Variants in ATP9B observed in about 807,000 individuals in gnomAD.
The protein encoded by ATP9B is probable phospholipid-transporting ATPase IIB.
In ATP9B, 110 loss-of-function variants were observed where a neutral mutation model predicts 146.1. The ratio of observed to expected loss-of-function variants is 0.75; its 90% confidence interval spans 0.65 to 0.88. The LOEUF (loss-of-function observed/expected upper bound fraction) is 0.88. Among genes scored for constraint, ATP9B ranks in the 40% least tolerant of loss-of-function variants. The probability of loss-of-function intolerance (pLI) is 0.00; values close to 1 mark genes in which losing one functional copy is unlikely to be tolerated. For synonymous variants in ATP9B, 604 were observed against 569.7 expected (o/e 1.06, Z -0.86); for missense variants, 1,499 against 1,496.4 (o/e 1.00, Z -0.03).
chr18:79,118,070 G>A (rs1332343069), intron 4 of ATP9B: 1 of 152,024 alleles, frequency 6.6e-6, no homozygotes, highest in Non-Finnish European at 1.5e-5. Flanking sequence ...GTGTTTCATT[G>A]TATAAATATA....
chr18:79,308,394 T>A (rs2096630906), intron 15 of ATP9B, among the ~76,000 whole-genome samples: 1 of 152,188 alleles, frequency 6.6e-6, no homozygotes, highest in Non-Finnish European at 1.5e-5. Context: ...GCAGTCCAAA[T>A]GTCTATCAGC....
At position 79,134,210 on chromosome 18, in the gene ATP9B, T is replaced by C. The variant is rs143728962; in HGVS notation, c.667+7835T>C. ...TCTTAGAGACTGGCTTTTAAAGTAA[T>C]AGCCACTCTGTCTGGTGGTTCTTGT... On this transcript the variant is annotated intron_variant, in intron 5 of 29. Coordinates refer to ENST00000426216, the MANE Select transcript of ATP9B (RefSeq NM_198531.5). Among the ~76,000 whole-genome samples the C allele has an allele frequency of 5.9e-5, 9 of 152,314 alleles. No individual in the cohort carries two copies. In the East Asian group the frequency reaches 9.7e-4, roughly 16 times the overall value.
At chr18:79,262,946 C>T (rs1370088176) in intron 12 of ATP9B, among the ~76,000 whole-genome samples, 1 of 152,136 alleles carries the variant, frequency 6.6e-6, no homozygotes, top group Admixed American at 6.5e-5. Flanking sequence ...GAAATAATCA[C>T]TGTCTTGGCT....
intron 11 of ATP9B, among the ~76,000 whole-genome samples, chr18:79,235,313 A>G (rs916534720): frequency 2.0e-5 from 3 of 152,236 alleles, no homozygotes; most frequent in Admixed American, 6.5e-5. Flanking sequence ...CACATATCAT[A>G]TTACTAACAC....
rs2097096903 is a variant in ATP9B at position 79,375,372 on chromosome 18, C to CT, written c.3275-19dup. 3 of 1,597,292 alleles carry CT rather than the reference C, an allele frequency of 1.9e-6. No homozygotes were observed. In the East Asian group the frequency reaches 6.7e-5, roughly 36 times the overall value. On this transcript the variant is annotated intron_variant, in intron 28 of 29. Coordinates refer to ENST00000426216, the MANE Select transcript of ATP9B (RefSeq NM_198531.5). The stretch of plus-strand genomic sequence containing the variant: ...TCTCCTTTAATCTGTCCTTTATTTT[C>CT]TTTATTACTGTTTTGGAACAGGTAT...
intron 11 of ATP9B, among the ~76,000 whole-genome samples, chr18:79,238,239 CTTT>C (rs57427830): frequency 2.8e-5 from 4 of 140,594 alleles, no homozygotes; most frequent in East Asian, 2.1e-4. Flanking sequence ...ATAAGTGATC[CTTT>C]TTTTTTTTTT....
chr18:79,165,376 C>G (rs778486651), intron 7 of ATP9B, among the ~76,000 whole-genome samples: 10 of 152,162 alleles, frequency 6.6e-5, no homozygotes, highest in Non-Finnish European at 1.5e-4. Context: ...GTCTTCTGCA[C>G]TGTTGGGTGT....
At chr18:79,322,982 C>T (rs1433113171) in intron 15 of ATP9B, among the ~76,000 whole-genome samples, 2 of 152,106 alleles carry the variant, frequency 1.3e-5, no homozygotes, top group Admixed American at 6.5e-5. Context: ...ATTCTGGGTA[C>T]GTAATAGTAC....
chr18:79,172,662 T>C (rs2095096614), intron 7 of ATP9B, among the ~76,000 whole-genome samples: 1 of 152,288 alleles, frequency 6.6e-6, no homozygotes, highest in South Asian at 2.1e-4. Context: ...CTTTTTCTGC[T>C]TAGCACAACA....
At position 79,337,280 on chromosome 18, in the gene ATP9B, G is replaced by C. The variant is rs1422357714; in HGVS notation, c.2114G>C (p.Ser705Thr). The C allele has an allele frequency of 6.2e-7, 1 of 1,613,726 alleles. No homozygotes were observed. Among genetic ancestry groups the C allele is most frequent in the Admixed American group, 1.7e-5 (1 of 60,000 alleles). ...LTEEQYQDFE[S>T]RYTQAKLSMH... ...AGGCGCCTCCCCCTCTGTCCCCAGA[G>C]CCGATACACTCAAGCCAAGCTGAGC... Residue 705 changes from serine (S) to threonine (T), a missense_variant and splice_region_variant, in exon 19 of 30, where the codon AGC (serine) becomes ACC (threonine). By Grantham distance (58) the Ser-to-Thr change is moderately conservative. Transcript: ENST00000426216.
At position 79,172,707 on chromosome 18, in the gene ATP9B, A is replaced by G. The variant is rs541247795; in HGVS notation, c.779-4106A>G. On this transcript the variant is annotated intron_variant, in intron 7 of 29. Transcript: ENST00000426216. Reference sequence around the variant, plus strand: ...TCCATCCAAGTTGTTGTATATGTCAATAGTTTGTTCATTTTTTACTGCTAA... The same window carrying G: ...TCCATCCAAGTTGTTGTATATGTCAGTAGTTTGTTCATTTTTTACTGCTAA... Among the ~76,000 whole-genome samples the G allele has an allele frequency of 1.2e-4, 19 of 152,402 alleles. No individual in the cohort carries two copies. In the South Asian group the frequency reaches 2.9e-3, roughly 23 times the overall value.
chr18:79,253,017 G>A (rs1259704795), intron 11 of ATP9B, among the ~76,000 whole-genome samples: 1 of 152,198 alleles, frequency 6.6e-6, no homozygotes, highest in African/African-American at 2.4e-5. Flanking sequence ...TTCCCGGGCT[G>A]GGCCCTCAGA....
intron 13 of ATP9B, among the ~76,000 whole-genome samples, chr18:79,280,027 G>GT (rs2096359513): frequency 1.3e-5 from 2 of 152,154 alleles, no homozygotes; most frequent in Non-Finnish European, 2.9e-5. Flanking sequence ...ATGCATAAGA[G>GT]TATTCACAGC....
At chr18:79,116,939 T>TTAAAAAAAAAAAAAAAAAAAAAAAAAAA (rs2094091585) in intron 4 of ATP9B, among the ~76,000 whole-genome samples, 3 of 77,982 alleles carry the variant, frequency 3.8e-5, no homozygotes, top group African/African-American at 5.4e-5. Context: ...AAAAAAAAAA[T>TTAAAAAAAAAAAAAAAAAAAAAAAAAAA]TAAAAAAAAA....
At chr18:79,128,173 C>T (rs2094319557) in intron 5 of ATP9B, among the ~76,000 whole-genome samples, 1 of 151,096 alleles carries the variant, frequency 6.6e-6, no homozygotes, top group African/African-American at 2.4e-5. Context: ...GATTCTCCTG[C>T]CTCAACCTCC....
intron 15 of ATP9B, among the ~76,000 whole-genome samples, chr18:79,318,026 G>T (rs1191546872): frequency 6.6e-6 from 1 of 152,256 alleles, no homozygotes; most frequent in Non-Finnish European, 1.5e-5. Context: ...AAAGTCAGTT[G>T]TACTGGATTA....
intron 11 of ATP9B, among the ~76,000 whole-genome samples, chr18:79,229,418 T>C (rs1030627074): frequency 6.6e-6 from 1 of 152,240 alleles, no homozygotes; most frequent in Non-Finnish European, 1.5e-5. Flanking sequence ...ATTACAAAAA[T>C]TGTTTCATAG....
intron 12 of ATP9B, among the ~76,000 whole-genome samples, chr18:79,276,835 T>TA (rs938803555): frequency 1.3e-5 from 2 of 152,236 alleles, no homozygotes; most frequent in African/African-American, 4.8e-5. Context: ...TAATGCATAT[T>TA]AAAAAATACG....
At chr18:79,263,019 C>T (rs1278877208) in intron 12 of ATP9B, among the ~76,000 whole-genome samples, 1 of 152,094 alleles carries the variant, frequency 6.6e-6, no homozygotes. Flanking sequence ...CTTCTTGTTG[C>T]ACAAGCTACT....
Sources: allele counts gnomAD v4.1 joint callset (sites outside exome capture counted in the v4.1 genomes callset), GRCh38; gene constraint gnomAD v4.1.1; transcripts MANE v1.5; gene names NCBI Gene and HGNC (gene_info 2026-07-23, HGNC 2026-07-21).